The following ZNF738 variants were observed in gnomAD, a reference collection of about 807,000 sequenced individuals.
ZNF738 encodes protein ZNF738.
In ZNF738, 10 loss-of-function variants were observed where a neutral mutation model predicts 9.2. The observed-to-expected ratio is 1.09, with a 90% CI of 0.67 to 1.85. The LOEUF (loss-of-function observed/expected upper bound fraction) is 1.85. Ranked by LOEUF, ZNF738 falls within the 40% of genes most tolerant of loss-of-function variation. The pLI, the probability that ZNF738 is intolerant of heterozygous loss-of-function variation, is 0.00. For missense variants in ZNF738, 346 were observed against 283.6 expected (o/e 1.22, Z -1.58); for synonymous variants, 113 against 94.5 (o/e 1.20, Z -1.14).
rs1211330675 is a variant in ZNF738 at position 21,370,501 on chromosome 19, A to G, written c.97-4737A>G. 3.9e-5 allele frequency among the ~76,000 whole-genome samples: 6 copies of G among 151,970 alleles called. No individual in the cohort carries two copies. In the East Asian group the frequency reaches 9.6e-4, roughly 24 times the overall value. ...TACATCTGGTGGAATTCAGCTGTAAATTTTTCTGATTCTTTGTTGTTTTTG... is the reference window on the plus strand; with the variant it reads ...TACATCTGGTGGAATTCAGCTGTAAGTTTTTCTGATTCTTTGTTGTTTTTG... On this transcript the variant is annotated intron_variant, in intron 2 of 4. Coordinates refer to ENST00000683779, the MANE Select transcript of ZNF738 (RefSeq NM_001355237.2).
intron 4 of ZNF738, among the ~76,000 whole-genome samples, chr19:21,382,112 C>T (rs1974014736): frequency 7.6e-6 from 1 of 130,776 alleles, no homozygotes; most frequent in Non-Finnish European, 1.5e-5. Flanking sequence ...GTTGCCCAGG[C>T]TAGAGTGCAA....
At chr19:21,376,928 G>T (rs1054645426) in intron 4 of ZNF738, among the ~76,000 whole-genome samples, 11 of 152,056 alleles carry the variant, frequency 7.2e-5, no homozygotes, top group African/African-American at 2.7e-4. Flanking sequence ...CTAACAGGTG[G>T]TCTATCAAAG....
intron 2 of ZNF738, among the ~76,000 whole-genome samples, chr19:21,365,956 CA>C (rs34286707): frequency 2.0e-4 from 29 of 143,506 alleles, no homozygotes; most frequent in Non-Finnish European, 2.0e-4. Flanking sequence ...GACTCCATCT[CA>C]AAAAAAAAAA....
rs1399613568 is a variant in ZNF738, at chr19:21,387,362, T to C, written c.*3688T>C. On this transcript the variant is annotated 3_prime_UTR_variant, in exon 5 of 5. Coordinates refer to ENST00000683779, the MANE Select transcript of ZNF738 (RefSeq NM_001355237.2). ...TGCCACCACGCCTGGCTAATTTTTG[T>C]ACTTTTAGTAGAGATGGGGTATGAC... Among the ~76,000 whole-genome samples the C allele has an allele frequency of 6.6e-6, 1 of 152,116 alleles. No homozygotes were observed. The highest frequency in any genetic ancestry group is 1.5e-5 in the Non-Finnish European group (1 of 68,020).
At position 21,384,672 on chromosome 19, in the gene ZNF738, T is replaced by C. The variant is rs140981913; in HGVS notation, c.*998T>C. ...TCATACTGGAGAGAAACCCTACAAA[T>C]GTGAAGAATGTGGAAAAGCTTTTAA... On this transcript the variant is annotated 3_prime_UTR_variant, in exon 5 of 5. Transcript: ENST00000683779. Among the ~76,000 whole-genome samples, 465 of 152,088 alleles carry C rather than the reference T, an allele frequency of 3.1e-3. 4 individuals carry two copies. Among genetic ancestry groups the C allele is most frequent in the African/African-American group, 0.011 (448 of 41,486 alleles).
intron 2 of ZNF738, among the ~76,000 whole-genome samples, chr19:21,363,249 T>A (rs949852888): frequency 6.6e-6 from 1 of 152,286 alleles, no homozygotes; most frequent in Admixed American, 6.5e-5. Context: ...TTTTTTGGAT[T>A]TTTCAAACAA....
In ZNF738 at chr19:21,361,806, G is replaced by A. The variant is rs776726553; in HGVS notation, c.44G>A (p.Ser15Asn). 3 of 780,764 alleles carry A rather than the reference G, an allele frequency of 3.8e-6. No homozygotes were observed. Among genetic ancestry groups the A allele is most frequent in the Non-Finnish European group, 4.8e-6 (2 of 418,050 alleles). The allele number at this position is 780,764 out of a possible 1,614,324, so 48.4% of individuals were successfully genotyped here. A position where few individuals can be genotyped will look rare whatever the true frequency, so the allele number is the denominator to read the frequency against. ...GGAGTGTATCCTGTCAAGGGGGCAA[G>A]TGGATACCCTGGGGCTGAGAGGAAT... is the stretch of plus-strand genomic sequence containing the variant. The part of the protein sequence containing the change: ...RYGVYPVKGA[S>N]GYPGAERNLL... Residue 15 changes from serine (S) to asparagine (N), a missense_variant, in exon 2 of 5, where the codon AGT becomes AAT. Ser to Asn is a conservative substitution (Grantham distance 46). Coordinates refer to ENST00000683779, the MANE Select transcript of ZNF738 (RefSeq NM_001355237.2).
rs1242447103 is a variant in ZNF738, at chr19:21,385,389, G to C, written c.*1715G>C. Among the ~76,000 whole-genome samples the C allele has an allele frequency of 6.6e-6, 1 of 152,062 alleles. No individual in the cohort carries two copies. Among genetic ancestry groups the C allele is most frequent in the African/African-American group, 2.4e-5 (1 of 41,382 alleles). On this transcript the variant is annotated 3_prime_UTR_variant, in exon 5 of 5. Transcript: ENST00000683779. ...GAGAATCGCTTGAACCCAGGAGGTG[G>C]AGGTTGCAGTGAGCTGAGATGGCTC...
rs1000493599 is a variant in ZNF738, at chr19:21,383,972, G to A, written c.*298G>A. ...ACTCCTACCTTACTGCACATAAGTT[G>A]ATTCATACTGGAGAGAAACCCTACA... On this transcript the variant is annotated 3_prime_UTR_variant, in exon 5 of 5. Transcript: ENST00000683779. 2.6e-5 allele frequency: 36 copies of A among 1,387,602 alleles called. No individual in the cohort carries two copies. The highest frequency in any genetic ancestry group is 3.6e-5 in the Non-Finnish European group (36 of 999,098). 86.0% of individuals were successfully genotyped at this position (1,387,602 alleles called of 1,614,324 possible).
chr19:21,381,251 G>A lies in ZNF738; in HGVS notation c.320-1615G>A, dbSNP rs61753928. On this transcript the variant is annotated intron_variant, in intron 4 of 4. Transcript: ENST00000683779. Reference sequence around the variant, plus strand: ...ATTAAAGCTTTCTCTACAGCCACACGTCCCTTTGATGTTTGGGTTATTGAA... The same window carrying A: ...ATTAAAGCTTTCTCTACAGCCACACATCCCTTTGATGTTTGGGTTATTGAA... The A allele has an allele frequency of 1.6e-3, 2,525 of 1,587,954 alleles. 31 individuals carry two copies. In the African/African-American group the frequency reaches 0.025, roughly 16 times the overall value.
At chr19:21,360,824 CT>C (rs1231119172) in intron 1 of ZNF738, among the ~76,000 whole-genome samples, 1 of 106,002 alleles carries the variant, frequency 9.4e-6, no homozygotes. Flanking sequence ...TTAAATGGTG[CT>C]TTTTTCTTTT....
chr19:21,366,006 A>G (rs917267741), intron 2 of ZNF738, among the ~76,000 whole-genome samples: 1 of 151,994 alleles, frequency 6.6e-6, no homozygotes, highest in African/African-American at 2.4e-5. Flanking sequence ...CTGCATTTCT[A>G]CACACAGAGT....
chr19:21,385,912 TAGC>T lies in ZNF738; in HGVS notation c.*2241_*2243del, dbSNP rs559497830. On this transcript the variant is annotated 3_prime_UTR_variant, in exon 5 of 5. Coordinates refer to ENST00000683779, the MANE Select transcript of ZNF738 (RefSeq NM_001355237.2). The stretch of plus-strand genomic sequence containing the variant: ...CTCAACACTTACTAAACAGAATTCA[TAGC>T]AGAGAGAAATCCTACAAATATGAAG... Among the ~76,000 whole-genome samples, 14 of 152,310 alleles carry T rather than the reference TAGC, an allele frequency of 9.2e-5. 1 individual carries two copies. In the South Asian group the frequency reaches 2.9e-3, roughly 32 times the overall value.
chr19:21,382,389 C>A (rs1257954515), intron 4 of ZNF738, among the ~76,000 whole-genome samples: 1 of 152,076 alleles, frequency 6.6e-6, no homozygotes, highest in African/African-American at 2.4e-5. Flanking sequence ...CAGGCACACA[C>A]CACCATGCCC....
At position 21,375,960 on chromosome 19, in the gene ZNF738, C is replaced by G; in HGVS notation, c.315C>G (p.Pro105=). The change falls in exon 4 of 5, where the codon CCC becomes CCG. Residue 105 remains proline, a synonymous_variant. Transcript: ENST00000683779. Reference sequence around the variant, plus strand: ...AGAGACACAGTATGGTAGCCACACCCCCAGGTAGGTGAGAGTGAATAAAAC... The same window carrying G: ...AGAGACACAGTATGGTAGCCACACCGCCAGGTAGGTGAGAGTGAATAAAAC... ...NMKRHSMVAT[P]PVTYSHFAQD... The G allele has an allele frequency of 1.3e-6, 1 of 763,596 alleles. No individual in the cohort carries two copies. The highest frequency in any genetic ancestry group is 2.4e-6 in the Non-Finnish European group (1 of 415,698). The allele number at this position is 763,596 out of a possible 1,614,324, so 47.3% of individuals were successfully genotyped here.
chr19:21,381,183 T>C, intron 4 of ZNF738: 1 of 1,288,572 alleles, frequency 7.8e-7, no homozygotes, highest in Non-Finnish European at 1.1e-6. Context: ...CTTCCAGGAG[T>C]TTTCTTGGAA....
intron 4 of ZNF738, 51 bp downstream of exon 4, chr19:21,376,015 A>AG: frequency 3.7e-5 from 25 of 678,658 alleles, no homozygotes; most frequent in Middle Eastern, 2.5e-4. Flanking sequence ...TTGGAAGATT[A>AG]CAAAAAAAAA....
At chr19:21,365,872 G>A (rs111891429) in intron 2 of ZNF738, among the ~76,000 whole-genome samples, 3,555 of 151,478 alleles carry the variant, frequency 0.023, 149 homozygotes, top group African/African-American at 0.077. Context: ...CAGGAGAATC[G>A]CTTGAACCTG....
chr19:21,383,361 C>G lies in ZNF738; in HGVS notation c.815C>G (p.Ser272Cys). The change falls in exon 5 of 5, where the codon TCC becomes TGC. Residue 272 changes from serine to cysteine, a missense_variant. By Grantham distance (112) the Ser-to-Cys change is moderately radical. Transcript: ENST00000683779. ...HEECGKGFNH[S>C]TTLTRHKVIH... ...GAATGTGGAAAAGGTTTTAACCACT[C>G]CACAACTCTTACTAGACATAAGGTA... 9.2e-7 allele frequency: 1 copy of G among 1,089,850 alleles called. No homozygotes were observed. The highest frequency in any genetic ancestry group is 1.4e-6 in the Non-Finnish European group (1 of 728,380). The allele number at this position is 1,089,850 out of a possible 1,614,324, so 67.5% of individuals were successfully genotyped here.
Sources: gnomAD v4.1 joint callset for allele counts (sites outside exome capture counted in the v4.1 genomes callset) on GRCh38, gnomAD v4.1.1 for gene constraint, MANE v1.5 for transcripts, NCBI Gene and HGNC (gene_info 2026-07-23, HGNC 2026-07-21) for gene names.